MBNL2: variants seen among roughly 807,000 people sequenced by gnomAD.
MBNL2 encodes muscleblind-like protein 2.
Under a neutral mutation model 41.9 loss-of-function variants are expected in MBNL2, and 17 were observed. The observed-to-expected ratio is 0.41, with a 90% CI of 0.28 to 0.61. The LOEUF is 0.61. Among genes scored for constraint, MBNL2 ranks in the 20% least tolerant of loss-of-function variants. The pLI is 0.35. For synonymous variants in MBNL2, 195 were observed against 182.9 expected, an observed-to-expected ratio of 1.07 and a Z score of -0.53; for missense variants, 336 against 505.6, an observed-to-expected ratio of 0.66 and a Z score of 3.22.
At chr13:97,234,245 G>C (rs1014391157) in intron 1 of MBNL2, among the ~76,000 whole-genome samples, 1 of 152,174 alleles carries the variant, frequency 6.6e-6, no homozygotes, top group Non-Finnish European at 1.5e-5. Context: ...GTAACCCTAA[G>C]CAAATCAAGT....
the MBNL2 span, among the ~76,000 whole-genome samples, chr13:97,142,933 G>A: frequency 6.6e-6 from 1 of 152,116 alleles, no homozygotes; most frequent in Non-Finnish European, 1.5e-5. Flanking sequence ...AAGGTAGCAG[G>A]TCTTGTCTTC....
chr13:97,171,751 C>T, the MBNL2 span, among the ~76,000 whole-genome samples: 1 of 152,112 alleles, frequency 6.6e-6, no homozygotes, highest in Non-Finnish European at 1.5e-5. Flanking sequence ...TTGGCTGTGT[C>T]CCCACCCAAA....
chr13:97,214,539 C>T, the MBNL2 span, among the ~76,000 whole-genome samples: 2 of 152,146 alleles, frequency 1.3e-5, no homozygotes, highest in Non-Finnish European at 2.9e-5. Flanking sequence ...GAGTGTATGT[C>T]CTTCCATCCG....
intron 1 of MBNL2, among the ~76,000 whole-genome samples, chr13:97,249,529 T>G (rs2046120651): frequency 6.6e-6 from 1 of 152,246 alleles, no homozygotes; most frequent in Admixed American, 6.5e-5. Context: ...AAGAGCTGCT[T>G]AATGTCTGAT....
intron 7 of MBNL2, 129 bp from the exon 8 acceptor site, chr13:97,365,007 A>G: frequency 1.3e-6 from 1 of 772,878 alleles, no homozygotes. Flanking sequence ...AATGGCCCTA[A>G]AAGACTGTGT....
chr13:97,314,550 C>T lies in MBNL2; in HGVS notation c.175-19726C>T, dbSNP rs140891097. ...GATCAGTGCTACACAGAGTACCATA[C>T]ATTAAATATGCACCGAATAAATGAA... On this transcript the variant is annotated intron_variant, in intron 2 of 8. Coordinates refer to ENST00000679496, the MANE Select transcript of MBNL2 (RefSeq NM_001382683.1). Among the ~76,000 whole-genome samples, 243 of 152,282 alleles carry T rather than the reference C, an allele frequency of 1.6e-3. 5 individuals are homozygous for T. The highest frequency in any genetic ancestry group is 1.9e-3 in the Non-Finnish European group (126 of 68,034).
chr13:97,239,773 C>T (rs551658635), intron 1 of MBNL2, among the ~76,000 whole-genome samples: 2 of 152,324 alleles, frequency 1.3e-5, no homozygotes, highest in East Asian at 1.9e-4. Context: ...AGGATAGATA[C>T]TTCTGGTTAT....
intron 2 of MBNL2, among the ~76,000 whole-genome samples, chr13:97,300,727 T>C (rs979366061): frequency 6.6e-6 from 1 of 152,220 alleles, no homozygotes; most frequent in East Asian, 1.9e-4. Flanking sequence ...CTAACCACCA[T>C]TGATCTGCTT....
At position 97,385,371 on chromosome 13, in the gene MBNL2, T is replaced by C. The variant is rs1195652741; in HGVS notation, c.1049-5951T>C. On this transcript the variant is annotated intron_variant, in intron 8 of 8. Transcript: ENST00000679496. ...GTAGTTTAGCAAGGCTGCACAAATA[T>C]GTTATAAGGTATTTTTTATCTATGC... Among the ~76,000 whole-genome samples the C allele has an allele frequency of 3.3e-5, 5 of 152,200 alleles. No individual in the cohort carries two copies. The South Asian group carries it at 6.2e-4, about 19-fold the overall frequency.
chr13:97,318,115 T>G (rs1399776247), intron 2 of MBNL2, among the ~76,000 whole-genome samples: 1 of 152,174 alleles, frequency 6.6e-6, no homozygotes, highest in East Asian at 1.9e-4. Context: ...TTATCTAACC[T>G]CTCTGTGCCT....
At chr13:97,322,776 G>C (rs1165801676) in intron 2 of MBNL2, among the ~76,000 whole-genome samples, 4 of 152,102 alleles carry the variant, frequency 2.6e-5, no homozygotes, top group Admixed American at 2.6e-4. Flanking sequence ...CTTCCCGGAA[G>C]CATTCCCAAC....
chr13:97,318,722 T>C (rs2059256924), intron 2 of MBNL2, among the ~76,000 whole-genome samples: 1 of 152,206 alleles, frequency 6.6e-6, no homozygotes, highest in Non-Finnish European at 1.5e-5. Context: ...TGGGGTTTGC[T>C]GAGGGAAAAG....
chr13:97,205,592 G>A, the MBNL2 span, among the ~76,000 whole-genome samples: 23 of 152,212 alleles, frequency 1.5e-4, no homozygotes, highest in African/African-American at 5.3e-4. Context: ...TGGCATTTCT[G>A]TTGGATTACA....
At chr13:97,381,115 G>GACAC (rs58610386) in intron 8 of MBNL2, among the ~76,000 whole-genome samples, 264 of 146,738 alleles carry the variant, frequency 1.8e-3, no homozygotes, top group African/African-American at 4.9e-3. Flanking sequence ...CCCTCTCTCT[G>GACAC]ACACACACAC....
chr13:97,224,760 T>C (rs2041349425), intron 1 of MBNL2, among the ~76,000 whole-genome samples: 1 of 152,178 alleles, frequency 6.6e-6, no homozygotes, highest in Admixed American at 6.5e-5. Context: ...CATAGTCATA[T>C]ACACAAAACC....
chr13:97,232,443 T>G (rs1253509508), intron 1 of MBNL2, among the ~76,000 whole-genome samples: 1 of 152,196 alleles, frequency 6.6e-6, no homozygotes, highest in Non-Finnish European at 1.5e-5. Flanking sequence ...ATATGGAAAG[T>G]CCTCCTCTGC....
At chr13:97,189,986 GTTT>G in the MBNL2 span, among the ~76,000 whole-genome samples, 5 of 152,216 alleles carry the variant, frequency 3.3e-5, no homozygotes, top group African/African-American at 1.2e-4. Flanking sequence ...AGCCTGATAT[GTTT>G]TTTATCATTC....
At chr13:97,212,372 C>T in the MBNL2 span, among the ~76,000 whole-genome samples, 7,748 of 152,164 alleles carry the variant, frequency 0.051, 264 homozygotes, top group South Asian at 0.15. Flanking sequence ...CCTGGCCCCA[C>T]GGTAGAAGCC....
intron 2 of MBNL2, among the ~76,000 whole-genome samples, chr13:97,328,857 TAGG>T (rs2060136365): frequency 6.6e-6 from 1 of 152,200 alleles, no homozygotes; most frequent in African/African-American, 2.4e-5. Context: ...TTTTTTCAAT[TAGG>T]AGCATACTAG....
Sources: allele counts gnomAD v4.1 joint callset (sites outside exome capture counted in the v4.1 genomes callset), GRCh38; gene constraint gnomAD v4.1.1; transcripts MANE v1.5; gene names NCBI Gene and HGNC (gene_info 2026-07-23, HGNC 2026-07-21).